MSH3: variants seen among roughly 807,000 people sequenced by gnomAD.
MSH3 encodes mutS homolog 3, also known as DNA mismatch repair protein Msh3.
In MSH3, 106 loss-of-function variants were observed where a neutral mutation model predicts 123.3. That is an observed-to-expected ratio of 0.86 (90% CI 0.73 to 1.01). The LOEUF (loss-of-function observed/expected upper bound fraction) is 1.01, where lower values mean the gene tolerates loss of function less well. Among genes scored for constraint, MSH3 ranks in the 50% least tolerant of loss-of-function variants. The pLI, the probability that MSH3 is intolerant of heterozygous loss-of-function variation, is 0.00. For synonymous variants in MSH3, 515 were observed against 481.4 expected (o/e 1.07, Z -0.91); for missense variants, 1,459 against 1,347.6 (o/e 1.08, Z -1.29).
rs774275160 is a variant in MSH3, at chr5:80,654,877, C to T, written c.150C>T (p.Gly50=). 2.4e-5 allele frequency: 36 copies of T among 1,500,144 alleles called. No individual in the cohort carries two copies. In the South Asian group the frequency reaches 3.7e-4, roughly 15 times the overall value. The allele number at this position is 1,500,144 out of a possible 1,614,324, so 92.9% of individuals were successfully genotyped here. Residue 50 remains glycine, a synonymous_variant, in exon 1 of 24, where the codon GGC becomes GGT. Transcript: ENST00000265081. ...GTGCAGCCGACCAGGTGGACCCTGG[C>T]GCTGCAGCGGCTGCAGCGGCCGCAG... ...STGAADQVDP[G]AAAAAAAAAA...
At chr5:80,786,809 A>G (rs1744517567) in intron 17 of MSH3, among the ~76,000 whole-genome samples, 2 of 152,238 alleles carry the variant, frequency 1.3e-5, no homozygotes, top group Non-Finnish European at 2.9e-5. Flanking sequence ...AGAAAAAAGA[A>G]AAAAGTATTC....
intron 8 of MSH3, among the ~76,000 whole-genome samples, chr5:80,696,442 T>C (rs1227951987): frequency 6.6e-6 from 1 of 152,206 alleles, no homozygotes; most frequent in Non-Finnish European, 1.5e-5. Context: ...TCTGTCTTGC[T>C]AGGCTTCCTC....
intron 19 of MSH3, among the ~76,000 whole-genome samples, chr5:80,809,477 A>G (rs1744968729): frequency 6.6e-6 from 1 of 152,222 alleles, no homozygotes; most frequent in African/African-American, 2.4e-5. Flanking sequence ...TTTCTACAAA[A>G]TAAAAAGTGT....
Position 80,654,897 on chromosome 5 carries a change from C to T in MSH3, c.170C>T (p.Ala57Val). 4 of 819,770 alleles carry T rather than the reference C, an allele frequency of 4.9e-6. No homozygotes were observed. Among genetic ancestry groups the T allele is most frequent in the Non-Finnish European group, 5.0e-6 (3 of 600,140 alleles). The allele number at this position is 819,770 out of a possible 1,614,324, so 50.8% of individuals were successfully genotyped here. Residue 57 changes from alanine (A) to valine (V), a missense_variant, in exon 1 of 24, where the codon GCC (alanine) becomes GTC (valine). By Grantham distance (64) the Ala-to-Val change is moderately conservative. Transcript: ENST00000265081. Reference sequence around the variant, plus strand: ...CCTGGCGCTGCAGCGGCTGCAGCGGCCGCAGCGGCCGCAGCGCCCCCAGCG... The same window carrying T: ...CCTGGCGCTGCAGCGGCTGCAGCGGTCGCAGCGGCCGCAGCGCCCCCAGCG... ...VDPGAAAAAA[A>V]AAAAAPPAPP... is the part of the protein sequence containing the mutation.
chr5:80,791,760 GAT>G (rs1400442836), intron 18 of MSH3, among the ~76,000 whole-genome samples: 1 of 152,170 alleles, frequency 6.6e-6, no homozygotes, highest in Non-Finnish European at 1.5e-5. Flanking sequence ...GTTACAGAAT[GAT>G]AGATTACAGT....
chr5:80,849,618 C>G (rs939258917), intron 20 of MSH3, among the ~76,000 whole-genome samples: 2 of 152,304 alleles, frequency 1.3e-5, no homozygotes, highest in African/African-American at 4.8e-5. Flanking sequence ...GAAGCCACAA[C>G]CTGAGCTGTA....
intron 4 of MSH3, among the ~76,000 whole-genome samples, chr5:80,671,883 TCATTTGCA>T (rs1749733212): frequency 6.6e-6 from 1 of 152,358 alleles, no homozygotes; most frequent in African/African-American, 2.4e-5. Context: ...TAAATGTCAG[TCATTTGCA>T]CATGCCATGT....
chr5:80,791,207 A>G (rs1028600938), intron 18 of MSH3, among the ~76,000 whole-genome samples: 1 of 152,222 alleles, frequency 6.6e-6, no homozygotes, highest in African/African-American at 2.4e-5. Flanking sequence ...TAGATGATGT[A>G]GAAATAAAGG....
intron 17 of MSH3, among the ~76,000 whole-genome samples, chr5:80,782,629 A>G (rs1344308241): frequency 6.6e-6 from 1 of 152,166 alleles, no homozygotes; most frequent in East Asian, 1.9e-4. Context: ...TACATATATT[A>G]CTTTCAGAAT....
At chr5:80,728,771 A>G in intron 9 of MSH3, 80 bp from the exon 10 acceptor site, 1 of 765,778 alleles carries the variant, frequency 1.3e-6, no homozygotes, top group Non-Finnish European at 2.2e-6. Context: ...CTAACAAGTT[A>G]ATGGTTCTGT....
chr5:80,719,606 G>C (rs1004937349), intron 8 of MSH3, among the ~76,000 whole-genome samples: 8 of 152,074 alleles, frequency 5.3e-5, no homozygotes, highest in African/African-American at 1.9e-4. Context: ...CTGAATCTAT[G>C]TTATTAAAAT....
At chr5:80,809,079 T>G (rs1744957615) in intron 19 of MSH3, among the ~76,000 whole-genome samples, 1 of 151,652 alleles carries the variant, frequency 6.6e-6, no homozygotes, top group African/African-American at 2.4e-5. Flanking sequence ...ATGTGGCTGC[T>G]TTGGGCATCT....
At chr5:80,737,784 T>TAG (rs1580595025) in intron 10 of MSH3, among the ~76,000 whole-genome samples, 1 of 152,198 alleles carries the variant, frequency 6.6e-6, no homozygotes, top group Non-Finnish European at 1.5e-5. Flanking sequence ...TATAAATACT[T>TAG]ACGAAATATA....
rs1478748983 is a variant in MSH3 at position 80,864,920 on chromosome 5, G to A, written c.3108G>A (p.Glu1036=). 2 of 1,613,950 alleles carry A rather than the reference G, an allele frequency of 1.2e-6. No individual in the cohort carries two copies. Among genetic ancestry groups the A allele is most frequent in the Non-Finnish European group, 1.7e-6 (2 of 1,179,864 alleles). ...ACCACATGGGATTCTTGGTCAGTGA[G>A]GATGAAAGCAAACTGGATCCAGGTA... ...GNYHMGFLVS[E]DESKLDPGAA... The change falls in exon 22 of 24, where the codon GAG becomes GAA. Residue 1036 remains glutamate, a synonymous_variant. Transcript: ENST00000265081.
At chr5:80,832,766 G>A (rs1420535385) in intron 20 of MSH3, among the ~76,000 whole-genome samples, 1 of 151,690 alleles carries the variant, frequency 6.6e-6, no homozygotes, top group African/African-American at 2.4e-5. Context: ...AAAAGCACTT[G>A]AAGTATGTCC....
intron 3 of MSH3, 123 bp from the exon 4 acceptor site, chr5:80,669,974 T>C (rs1429171987): frequency 1.1e-6 from 1 of 873,852 alleles, no homozygotes; most frequent in African/African-American, 1.7e-5. Context: ...ACAATGTGCT[T>C]CTATAAACTT....
intron 19 of MSH3, among the ~76,000 whole-genome samples, chr5:80,804,734 G>A (rs1210885643): frequency 6.6e-6 from 1 of 152,162 alleles, no homozygotes; most frequent in African/African-American, 2.4e-5. Context: ...CCTGAAGCCA[G>A]CAGAATACTG....
At chr5:80,778,611 A>G in intron 16 of MSH3, 109 bp from the exon 17 acceptor site, 1 of 756,456 alleles carries the variant, frequency 1.3e-6, no homozygotes. Flanking sequence ...ACAGCTGTTT[A>G]CTTTCAAGGT....
chr5:80,779,023 G>A (rs1191878987), intron 17 of MSH3, among the ~76,000 whole-genome samples, 187 bp downstream of exon 17: 1 of 109,336 alleles, frequency 9.1e-6, no homozygotes, highest in Admixed American at 1.1e-4. Context: ...ACTGAGTCTT[G>A]CTTTGTCACC....
Sources: allele counts gnomAD v4.1 joint callset (sites outside exome capture counted in the v4.1 genomes callset), GRCh38; gene constraint gnomAD v4.1.1; transcripts MANE v1.5; gene names NCBI Gene and HGNC (gene_info 2026-07-23, HGNC 2026-07-21).